GFAP: variants seen among roughly 807,000 people sequenced by gnomAD.
GFAP encodes glial fibrillary acidic protein, also known as intermediate filament protein.
In GFAP, 38 loss-of-function variants were observed where a neutral mutation model predicts 49.3. That is an observed-to-expected ratio of 0.77 (90% CI 0.60 to 1.01). The LOEUF (loss-of-function observed/expected upper bound fraction) is 1.01. GFAP is among the 50% of genes least tolerant of loss of function. The pLI, the probability that GFAP is intolerant of heterozygous loss-of-function variation, is 0.00. For missense variants in GFAP, 463 were observed against 579.1 expected (o/e 0.80, Z 2.06); for synonymous variants, 222 against 236.4 (o/e 0.94, Z 0.56).
Position 44,915,074 on chromosome 17 carries a change from T to A in GFAP, c.413A>T (p.Glu138Val), listed in dbSNP as rs770549078. 3 of 1,613,136 alleles carry A rather than the reference T, an allele frequency of 1.9e-6. No homozygotes were observed. Among genetic ancestry groups the A allele is most frequent in the Non-Finnish European group, 2.5e-6 (3 of 1,179,978 alleles). The change falls in exon 1 of 9, where the codon GAG becomes GTG. Residue 138 changes from glutamate to valine, a missense_variant. This residue lies in a region of GFAP where 362 missense variants were observed against 445.5 expected (regional missense o/e 0.81). Coordinates refer to ENST00000588735, the MANE Select transcript of GFAP (RefSeq NM_002055.5). This position sits in a 1 kb window ranked among gnomAD's most constrained non-coding sequence, Gnocchi z 4.1. Reference protein sequence around the residue: ...DQLTANSARLEVERDNLAQDL... With the variant: ...DQLTANSARLVVERDNLAQDL... ...CTGTGCCAGATTGTCCCTCTCAACC[T>A]CCAGCCGGGCGCTGTTGGCGGTGAG...
Position 44,904,107 on chromosome 17 carries a change from T to G in GFAP, c.*3240A>C, listed in dbSNP as rs1597848283. The G allele has an allele frequency of 6.4e-7, 1 of 1,550,588 alleles. No homozygotes were observed. The highest frequency in any genetic ancestry group is 1.2e-5 in the South Asian group (1 of 84,066). ...CGGGTGCTGACGGAGGCAGCCCAGG[T>G]ACGTGTGGGCAGCGACATGCTGACC... On this transcript the variant is annotated 3_prime_UTR_variant, in exon 9 of 9. Coordinates refer to ENST00000588735, the MANE Select transcript of GFAP (RefSeq NM_002055.5).
rs780185126 is a variant in GFAP at position 44,910,190 on chromosome 17, A to C, written c.1171+425T>G. The C allele has an allele frequency of 2.5e-5, 40 of 1,613,662 alleles. No individual in the cohort carries two copies. The Admixed American group carries it at 6.7e-4, about 27-fold the overall frequency. ...CAATCTGGTGAGCCTGTATTGGTAT[A>C]ACTCGTATTGTGAGGCTTTTGAGAT... On this transcript the variant is annotated intron_variant, in intron 7 of 8. Coordinates refer to ENST00000588735, the MANE Select transcript of GFAP (RefSeq NM_002055.5).
In GFAP at chr17:44,915,078, G is replaced by T; in HGVS notation, c.409C>A (p.Leu137Met). 6.2e-7 allele frequency: 1 copy of T among 1,613,334 alleles called. No individual in the cohort carries two copies. Among genetic ancestry groups the T allele is most frequent in the Non-Finnish European group, 8.5e-7 (1 of 1,180,008 alleles). ...LDQLTANSARLEVERDNLAQD... is the reference protein window; with the variant it reads ...LDQLTANSARMEVERDNLAQD... The stretch of plus-strand genomic sequence containing the variant: ...GCCAGATTGTCCCTCTCAACCTCCA[G>T]CCGGGCGCTGTTGGCGGTGAGTTGA... Residue 137 changes from leucine (L) to methionine (M), a missense_variant, in exon 1 of 9, where the codon CTG (leucine) becomes ATG (methionine). Around this residue, in one of 3 missense-constraint regions of GFAP, gnomAD observed 362 missense variants for 445.5 expected, o/e 0.81. Coordinates refer to ENST00000588735, the MANE Select transcript of GFAP (RefSeq NM_002055.5). This position sits in a 1 kb window ranked among gnomAD's most constrained non-coding sequence, Gnocchi z 4.1.
In GFAP at chr17:44,903,735, C is replaced by G; in HGVS notation, c.*3612G>C. 2.1e-6 allele frequency: 3 copies of G among 1,453,972 alleles called. No homozygotes were observed. Among genetic ancestry groups the G allele is most frequent in the South Asian group, 1.5e-5 (1 of 67,818 alleles). The allele number at this position is 1,453,972 out of a possible 1,614,324, so 90.1% of individuals were successfully genotyped here. A position where few individuals can be genotyped will look rare whatever the true frequency, so the allele number is the denominator to read the frequency against. The stretch of plus-strand genomic sequence containing the variant: ...CCTGGCTGCATAATCCTTTCCTCAT[C>G]TAGAGGCTTCCGCTTAGCAGAGCTT... On this transcript the variant is annotated 3_prime_UTR_variant, in exon 9 of 9. Transcript: ENST00000588735.
intron 8 of GFAP, 105 bp from the exon 9 acceptor site, chr17:44,907,493 A>G: frequency 1.2e-6 from 1 of 803,094 alleles, no homozygotes; most frequent in South Asian, 1.4e-5. Flanking sequence ...CCGACTTCCC[A>G]GGTCTTACTT....
chr17:44,914,008 C>A lies in GFAP; in HGVS notation c.522+20G>T. On this transcript the variant is annotated intron_variant, in intron 2 of 8. Coordinates refer to ENST00000588735, the MANE Select transcript of GFAP (RefSeq NM_002055.5). ...CAATCCTTTCCTCCCTCCCCTGCCC[C>A]TCCCCTCCACCTCCCTGACCTGTCT... 6.5e-7 allele frequency: 1 copy of A among 1,531,316 alleles called. No individual in the cohort carries two copies. Among genetic ancestry groups the A allele is most frequent in the East Asian group, 2.4e-5 (1 of 41,628 alleles). The allele number at this position is 1,531,316 out of a possible 1,614,324, so 94.9% of individuals were successfully genotyped here. A position where few individuals can be genotyped will look rare whatever the true frequency, so the allele number is the denominator to read the frequency against.
At position 44,913,767 on chromosome 17, in the gene GFAP, C is replaced by T; in HGVS notation, c.579G>A (p.Leu193=). ...TCCTCAAGAACCGGATCTCCTCCTC[C>T]AGCGACTCAATCTTCCTCTCCAGAT... ...RLDLERKIES[L]EEEIRFLRKI... The change falls in exon 3 of 9, where the codon CTG becomes CTA. Residue 193 remains leucine (L), a synonymous_variant. Coordinates refer to ENST00000588735, the MANE Select transcript of GFAP (RefSeq NM_002055.5). The T allele has an allele frequency of 6.2e-7, 1 of 1,614,152 alleles. No homozygotes were observed. The highest frequency in any genetic ancestry group is 8.5e-7 in the Non-Finnish European group (1 of 1,179,992).
intron 7 of GFAP, 51 bp downstream of exon 7, chr17:44,910,564 A>G: frequency 6.4e-7 from 1 of 1,557,012 alleles, no homozygotes; most frequent in Non-Finnish European, 8.7e-7. Context: ...CAGGCCCTGG[A>G]GGAGGGGGCA....
intron 7 of GFAP, chr17:44,910,404 G>C: frequency 6.2e-7 from 1 of 1,600,712 alleles, no homozygotes; most frequent in Non-Finnish European, 8.5e-7. Context: ...AGAGGGACCA[G>C]GGCCTAGCAG....
intron 1 of GFAP, chr17:44,914,756 C>T (rs367776670): frequency 4.0e-5 from 21 of 530,764 alleles, no homozygotes; most frequent in Admixed American, 1.7e-4. Flanking sequence ...ACAGGGGCCC[C>T]GCTGCTCCTG....
In GFAP at chr17:44,903,677, T is replaced by C. The variant is rs1280191503; in HGVS notation, c.*3670A>G. The C allele has an allele frequency of 6.3e-6, 9 of 1,435,782 alleles. No individual in the cohort carries two copies. The highest frequency in any genetic ancestry group is 8.2e-6 in the Non-Finnish European group (9 of 1,101,026). The allele number at this position is 1,435,782 out of a possible 1,614,324, so 88.9% of individuals were successfully genotyped here. On this transcript the variant is annotated 3_prime_UTR_variant, in exon 9 of 9. Coordinates refer to ENST00000588735, the MANE Select transcript of GFAP (RefSeq NM_002055.5). ...CACTGGGAATAAATTGCCTTGCACT[T>C]GGCGGCTTCCTCTGCAGATTGTTGC...
chr17:44,914,001 C>A, intron 2 of GFAP, 27 bp downstream of exon 2: 1 of 1,500,556 alleles, frequency 6.7e-7, no homozygotes, highest in East Asian at 2.4e-5. Flanking sequence ...TCCTCCCTCC[C>A]CTGCCCCTCC....
At chr17:44,910,769 A>G in intron 6 of GFAP, 111 bp from the exon 7 acceptor site, 1 of 1,479,352 alleles carries the variant, frequency 6.8e-7, no homozygotes, top group Non-Finnish European at 9.1e-7. Flanking sequence ...TTGCCAGGAA[A>G]GTCTAACTCC....
chr17:44,914,975 G>T, intron 1 of GFAP, 51 bp downstream of exon 1: 1 of 1,515,052 alleles, frequency 6.6e-7, no homozygotes, highest in Non-Finnish European at 9.0e-7. Flanking sequence ...TCCTTCTTGG[G>T]GATTCAGCCC....
chr17:44,913,937 G>T, intron 2 of GFAP, 91 bp downstream of exon 2: 1 of 1,289,682 alleles, frequency 7.8e-7, no homozygotes, highest in Non-Finnish European at 1.1e-6. Context: ...GCAGCACATT[G>T]CTCTGGCGGG....
rs797044590 is a variant in GFAP, at chr17:44,910,632, G to C, written c.1154C>G (p.Ser385Cys). The C allele has an allele frequency of 6.3e-7, 1 of 1,584,302 alleles. No individual in the cohort carries two copies. The highest frequency in any genetic ancestry group is 8.6e-7 in the Non-Finnish European group (1 of 1,165,288). The change falls in exon 7 of 9, where the codon TCC (serine) becomes TGC (cysteine). Residue 385 changes from serine (S) to cysteine (C), a missense_variant. Ser to Cys is a moderately radical substitution (Grantham distance 112). This residue lies in a region of GFAP where 362 missense variants were observed against 445.5 expected (regional missense o/e 0.81). Coordinates refer to ENST00000588735, the MANE Select transcript of GFAP (RefSeq NM_002055.5). ...GTACTGACCTCGAATCTGCAGGTTG[G>C]AGAAGGTCTGCACGGGAATGGTGAT... ...NRITIPVQTF[S>C]NLQIRETSLD...
rs200511148 is a variant in GFAP, at chr17:44,910,645, C to T, written c.1141G>A (p.Val381Met). The change falls in exon 7 of 9, where the codon GTG becomes ATG. Residue 381 changes from valine to methionine, a missense_variant. Coordinates refer to ENST00000588735, the MANE Select transcript of GFAP (RefSeq NM_002055.5). ...EGEENRITIP[V>M]QTFSNLQIRE... is the part of the protein sequence containing the mutation. ...ATCTGCAGGTTGGAGAAGGTCTGCA[C>T]GGGAATGGTGATCCTGAAAGAAAGC... The T allele has an allele frequency of 3.0e-5, 48 of 1,585,894 alleles. No individual in the cohort carries two copies. The highest frequency in any genetic ancestry group is 8.0e-5 in the African/African-American group (6 of 74,850).
intron 1 of GFAP, chr17:44,914,525 A>C: frequency 4.6e-6 from 1 of 219,188 alleles, no homozygotes. Context: ...ACAGCTGTGC[A>C]AGTCAAAGTA....
At position 44,913,996 on chromosome 17, in the gene GFAP, C is replaced by T. The variant is rs749845205; in HGVS notation, c.522+32G>A. 2.7e-6 allele frequency: 4 copies of T among 1,475,964 alleles called. 1 individual carries two copies. The highest frequency in any genetic ancestry group is 9.3e-7 in the Non-Finnish European group (1 of 1,074,900). The allele number at this position is 1,475,964 out of a possible 1,614,324, so 91.4% of individuals were successfully genotyped here. On this transcript the variant is annotated intron_variant, in intron 2 of 8. Transcript: ENST00000588735. The stretch of plus-strand genomic sequence containing the variant: ...GTGGGTGGCCATCAATCCTTTCCTC[C>T]CTCCCCTGCCCCTCCCCTCCACCTC...
Sources: gnomAD v4.1 joint callset for allele counts on GRCh38, gnomAD v4.1.1 for gene constraint, gnomAD v4.1.1 regional missense constraint, Gnocchi (gnomAD v3.1) non-coding constraint, MANE v1.5 for transcripts, NCBI Gene and HGNC (gene_info 2026-07-23, HGNC 2026-07-21) for gene names.